The following SH3RF3 variants were observed in gnomAD, a reference collection of about 807,000 sequenced individuals.
The protein encoded by SH3RF3 is E3 ubiquitin-protein ligase SH3RF3.
SH3RF3 carries 29 observed loss-of-function variants against 66.3 expected under a neutral mutation model. The ratio of observed to expected loss-of-function variants is 0.44; its 90% CI spans 0.33 to 0.60. The LOEUF is 0.60. SH3RF3 is among the 20% of genes least tolerant of loss of function. The pLI, the probability that SH3RF3 is intolerant of heterozygous loss-of-function variation, is 0.04. For missense variants in SH3RF3, 1,194 were observed against 1,190.9 expected (o/e 1.00, Z -0.04); for synonymous variants, 583 against 532.0 (o/e 1.10, Z -1.32).
At chr2:109,485,238 T>G (rs1678937739) in intron 8 of SH3RF3, among the ~76,000 whole-genome samples, 1 of 152,120 alleles carries the variant, frequency 6.6e-6, no homozygotes, top group South Asian at 2.1e-4. Context: ...TTGAAAGAAG[T>G]GGTGGGACAG....
At chr2:109,192,563 T>A (rs1270938495) in intron 1 of SH3RF3, among the ~76,000 whole-genome samples, 1 of 151,638 alleles carries the variant, frequency 6.6e-6, no homozygotes, top group Non-Finnish European at 1.5e-5. Context: ...GTGGTCCTCA[T>A]GTGGAATTTC....
chr2:109,154,679 G>A (rs1430853097), intron 1 of SH3RF3, among the ~76,000 whole-genome samples: 4 of 152,198 alleles, frequency 2.6e-5, no homozygotes, highest in African/African-American at 9.7e-5. Context: ...GCTGGCCAGG[G>A]TTTGGACAAG....
intron 4 of SH3RF3, among the ~76,000 whole-genome samples, chr2:109,414,494 A>G (rs1458830748): frequency 3.3e-5 from 5 of 152,160 alleles, no homozygotes; most frequent in East Asian, 1.9e-4. Flanking sequence ...ATGACCCTCA[A>G]TGGACACGAG....
intron 1 of SH3RF3, among the ~76,000 whole-genome samples, chr2:109,136,767 G>A (rs1004288183): frequency 2.0e-5 from 3 of 152,236 alleles, no homozygotes; most frequent in African/African-American, 4.8e-5. Context: ...ATTTATGTGA[G>A]TTTAAATGAA....
intron 7 of SH3RF3, among the ~76,000 whole-genome samples, chr2:109,437,476 G>A (rs1383142216): frequency 6.6e-6 from 1 of 152,182 alleles, no homozygotes; most frequent in Non-Finnish European, 1.5e-5. Context: ...ATTTCATTGT[G>A]GCAAGAGGGC....
rs374076158 is a variant in SH3RF3, at chr2:109,471,167, C to T, written c.2149-19438C>T. Among the ~76,000 whole-genome samples, 8 of 134,244 alleles carry T rather than the reference C, an allele frequency of 6.0e-5. No individual in the cohort carries two copies. The East Asian group carries it at 1.2e-3, about 20-fold the overall frequency. The allele number at this position is 134,244 out of a possible 152,430, so 88.1% of individuals were successfully genotyped here. ...GGCAGAGTTTGCAATGAGCCGAGAT[C>T]GTGCCATTGCACTCCAGCCTGGGCG... On this transcript the variant is annotated intron_variant, in intron 8 of 9. Coordinates refer to ENST00000309415, the MANE Select transcript of SH3RF3 (RefSeq NM_001099289.3).
intron 2 of SH3RF3, among the ~76,000 whole-genome samples, chr2:109,365,373 A>G (rs1047123506): frequency 6.6e-6 from 1 of 152,222 alleles, no homozygotes; most frequent in African/African-American, 2.4e-5. Context: ...CTAGCCGAGC[A>G]CTGCTTCCCA....
At chr2:109,136,450 A>G (rs1011221261) in intron 1 of SH3RF3, among the ~76,000 whole-genome samples, 3 of 152,236 alleles carry the variant, frequency 2.0e-5, no homozygotes, top group African/African-American at 7.2e-5. Context: ...AATGGTTTAC[A>G]GATCATGCAG....
chr2:109,242,457 G>A (rs1371715418), intron 1 of SH3RF3, among the ~76,000 whole-genome samples: 1 of 152,142 alleles, frequency 6.6e-6, no homozygotes, highest in Non-Finnish European at 1.5e-5. Flanking sequence ...TCAGAATGGG[G>A]CCAGGCCTTC....
intron 1 of SH3RF3, among the ~76,000 whole-genome samples, chr2:109,171,753 G>C (rs891419): frequency 0.82 from 124,893 of 152,294 alleles, 51,338 homozygotes; most frequent in East Asian, 0.89. Context: ...TGGTGCCCAC[G>C]CTGGCTGGCT....
At chr2:109,235,356 A>G (rs937088241) in intron 1 of SH3RF3, among the ~76,000 whole-genome samples, 3 of 152,120 alleles carry the variant, frequency 2.0e-5, no homozygotes, top group Non-Finnish European at 4.4e-5. Context: ...AAGGGCCACT[A>G]AAGAGACCAG....
intron 3 of SH3RF3, among the ~76,000 whole-genome samples, chr2:109,394,247 G>A (rs187839515): frequency 5.3e-5 from 8 of 152,360 alleles, no homozygotes; most frequent in Admixed American, 3.9e-4. Flanking sequence ...CAAAGTGTTG[G>A]GAGGGGCTTT....
At chr2:109,491,931 T>C (rs1414772100) in intron 9 of SH3RF3, among the ~76,000 whole-genome samples, 5 of 152,112 alleles carry the variant, frequency 3.3e-5, no homozygotes, top group African/African-American at 1.2e-4. Context: ...CAGTGCCAGG[T>C]GGGGAATGAG....
intron 4 of SH3RF3, among the ~76,000 whole-genome samples, chr2:109,402,949 GC>G (rs1676353775): frequency 6.6e-6 from 1 of 152,174 alleles, no homozygotes; most frequent in Non-Finnish European, 1.5e-5. Flanking sequence ...TGGGCTGCTT[GC>G]TGGGCACTGT....
chr2:109,359,643 C>T (rs778734506), intron 2 of SH3RF3, among the ~76,000 whole-genome samples: 4 of 152,120 alleles, frequency 2.6e-5, no homozygotes, highest in Non-Finnish European at 4.4e-5. Flanking sequence ...AACTTGAAAT[C>T]CAGAATGCTC....
rs368849410 is a variant in SH3RF3 at position 109,217,250 on chromosome 2, T to C, written c.573+87137T>C. ...TCACTCTTTTAATAAAATTCTGTCT[T>C]CCATTGAACCTTTTGGGTATCTTTT... On this transcript the variant is annotated intron_variant, in intron 1 of 9. Coordinates refer to ENST00000309415, the MANE Select transcript of SH3RF3 (RefSeq NM_001099289.3). Among the ~76,000 whole-genome samples the C allele has an allele frequency of 8.5e-5, 13 of 152,370 alleles. 1 individual carries two copies. In the East Asian group the frequency reaches 2.1e-3, roughly 25 times the overall value.
chr2:109,220,409 GA>G (rs910924242), intron 1 of SH3RF3, among the ~76,000 whole-genome samples: 7 of 151,952 alleles, frequency 4.6e-5, no homozygotes, highest in African/African-American at 1.7e-4. Context: ...GGCAATACAA[GA>G]AAAAAATACA....
chr2:109,413,056 CAG>C (rs747238932), intron 4 of SH3RF3, among the ~76,000 whole-genome samples: 2 of 152,234 alleles, frequency 1.3e-5, no homozygotes, highest in African/African-American at 2.4e-5. Context: ...GTATCATAAA[CAG>C]TGCTGCTGCG....
chr2:109,185,465 A>G (rs1678164076), intron 1 of SH3RF3, among the ~76,000 whole-genome samples: 1 of 152,250 alleles, frequency 6.6e-6, no homozygotes, highest in Non-Finnish European at 1.5e-5. Context: ...AACAAAATAA[A>G]CTCAGGACAT....
Sources: allele counts gnomAD v4.1 joint callset (sites outside exome capture counted in the v4.1 genomes callset), GRCh38; gene constraint gnomAD v4.1.1; transcripts MANE v1.5; gene names NCBI Gene and HGNC (gene_info 2026-07-23, HGNC 2026-07-21).